HADH: variants seen among roughly 807,000 people sequenced by gnomAD.
The protein encoded by HADH is hydroxyacyl-CoA dehydrogenase.
HADH carries 24 observed loss-of-function variants against 32.2 expected under a neutral mutation model. The observed-to-expected ratio is 0.75, with a 90% CI of 0.54 to 1.05. The LOEUF (loss-of-function observed/expected upper bound fraction) is 1.05. Among genes scored for constraint, HADH ranks in the 50% least tolerant of loss-of-function variants. The pLI is 0.00. For synonymous variants in HADH, 139 were observed against 152.5 expected (o/e 0.91, Z 0.65); for missense variants, 350 against 397.1 (o/e 0.88, Z 1.01).
At chr4:108,007,098 T>TGTTC (rs1735316203) in intron 1 of HADH, among the ~76,000 whole-genome samples, 1 of 149,798 alleles carries the variant, frequency 6.7e-6, no homozygotes, top group Non-Finnish European at 1.5e-5. Context: ...CTTAAGTTTT[T>TGTTC]GTTTGTTTGT....
At chr4:107,997,808 G>C (rs2126219582) in intron 1 of HADH, among the ~76,000 whole-genome samples, 1 of 152,274 alleles carries the variant, frequency 6.6e-6, no homozygotes, top group South Asian at 2.1e-4. Context: ...AAAAATAACA[G>C]ATGTCTATGA....
In HADH at chr4:108,008,037, T is replaced by C. The variant is rs144480379; in HGVS notation, c.133-1722T>C. Among the ~76,000 whole-genome samples, 71 of 152,354 alleles carry C rather than the reference T, an allele frequency of 4.7e-4. No homozygotes were observed. In the East Asian group the frequency reaches 8.9e-3, roughly 19 times the overall value. ...ATCACTTGAAGTTATGCTATAGTGG[T>C]AGTTTATTGCAACACAATAAATTGT... On this transcript the variant is annotated intron_variant, in intron 1 of 7. Coordinates refer to ENST00000309522, the MANE Select transcript of HADH (RefSeq NM_005327.7).
intron 1 of HADH, 64 bp from the exon 2 acceptor site, chr4:108,009,695 G>T: frequency 1.4e-6 from 2 of 1,430,082 alleles, no homozygotes; most frequent in Non-Finnish European, 2.0e-6. Flanking sequence ...TTGGGGTGGG[G>T]TGTGTGCGCG....
At chr4:108,008,887 C>G (rs1221616900) in intron 1 of HADH, among the ~76,000 whole-genome samples, 1 of 152,118 alleles carries the variant, frequency 6.6e-6, no homozygotes, top group Non-Finnish European at 1.5e-5. Context: ...AGCCACAATA[C>G]CTATTCCATG....
chr4:108,019,792 TC>T, intron 4 of HADH, 126 bp downstream of exon 4: 1 of 1,028,366 alleles, frequency 9.7e-7, no homozygotes, highest in Non-Finnish European at 1.5e-6. Flanking sequence ...TAGAAGGTTG[TC>T]CCTGAGCCTC....
chr4:108,008,248 C>G (rs1404923087), intron 1 of HADH, among the ~76,000 whole-genome samples: 1 of 152,158 alleles, frequency 6.6e-6, no homozygotes, highest in African/African-American at 2.4e-5. Flanking sequence ...GTCCTTGTAT[C>G]AAGATAATTC....
intron 1 of HADH, among the ~76,000 whole-genome samples, chr4:108,008,861 C>A (rs1275621200): frequency 9.9e-5 from 15 of 152,100 alleles, no homozygotes; most frequent in African/African-American, 3.6e-4. Flanking sequence ...TCGAGGTGAC[C>A]CAATGATCTT....
chr4:108,010,028 C>CTTTTTTTT, intron 2 of HADH, 141 bp downstream of exon 2: 2 of 641,332 alleles, frequency 3.1e-6, no homozygotes. Flanking sequence ...TTTTCCATAA[C>CTTTTTTTT]TTTAAACCAA....
rs773267851 is a variant in HADH at position 107,989,909 on chromosome 4, C to T, written c.-24C>T. ...CGCGTCTTCCCTGCCCGGGTCTCCT[C>T]GCTGTCGCCGCCGCTGCCACACCAT... On this transcript the variant is annotated 5_prime_UTR_variant, in exon 1 of 8. Coordinates refer to ENST00000309522, the MANE Select transcript of HADH (RefSeq NM_005327.7). 1.2e-6 allele frequency: 2 copies of T among 1,608,394 alleles called. No individual in the cohort carries two copies. Among genetic ancestry groups the T allele is most frequent in the Non-Finnish European group, 1.7e-6 (2 of 1,178,382 alleles).
At chr4:108,027,580 A>G in intron 5 of HADH, 108 bp from the exon 6 acceptor site, 1 of 782,680 alleles carries the variant, frequency 1.3e-6, no homozygotes, top group South Asian at 1.4e-5. Flanking sequence ...AGCTTGATAA[A>G]TGGGGGCAAA....
At chr4:108,005,020 G>T in intron 1 of HADH, 1 of 793,006 alleles carries the variant, frequency 1.3e-6, no homozygotes, top group South Asian at 1.8e-5. Flanking sequence ...ATTTTATACT[G>T]TAACTCACCA....
At chr4:108,000,508 G>T (rs17038323) in intron 1 of HADH, among the ~76,000 whole-genome samples, 1,751 of 152,178 alleles carry the variant, frequency 0.012, 40 homozygotes, top group African/African-American at 0.038. Context: ...CTGGGGACTG[G>T]GCTGCCATTA....
chr4:108,022,451 C>A (rs1048920665), intron 4 of HADH, among the ~76,000 whole-genome samples: 4 of 152,058 alleles, frequency 2.6e-5, no homozygotes, highest in Non-Finnish European at 5.9e-5. Flanking sequence ...GCTGCTGGAG[C>A]AGGTGGCAGG....
chr4:108,008,207 C>G (rs1578250301), intron 1 of HADH, among the ~76,000 whole-genome samples: 2 of 152,328 alleles, frequency 1.3e-5, no homozygotes, highest in East Asian at 3.9e-4. Flanking sequence ...TGGAATGTTT[C>G]TGCTGATGGG....
At chr4:107,990,226 G>A (rs1734738471) in intron 1 of HADH, among the ~76,000 whole-genome samples, 162 bp downstream of exon 1, 1 of 152,194 alleles carries the variant, frequency 6.6e-6, no homozygotes, top group Non-Finnish European at 1.5e-5. Context: ...CTGGGCCTGT[G>A]AGGGCCCAAG....
chr4:107,998,889 A>G (rs1045303617), intron 1 of HADH, among the ~76,000 whole-genome samples: 1 of 152,148 alleles, frequency 6.6e-6, no homozygotes, highest in Non-Finnish European at 1.5e-5. Flanking sequence ...ATTGGTCTTC[A>G]ATATGCATTC....
intron 6 of HADH, chr4:108,032,088 TTAAG>T (rs1365137550): frequency 1.0e-5 from 4 of 400,160 alleles, no homozygotes; most frequent in African/African-American, 8.2e-5. Context: ...TTATCGATGT[TTAAG>T]TAGTTTCTCT....
chr4:108,005,021 T>C, intron 1 of HADH: 2 of 770,224 alleles, frequency 2.6e-6, no homozygotes, highest in East Asian at 5.5e-5. Flanking sequence ...TTTTATACTG[T>C]AACTCACCAT....
At chr4:108,011,825 G>A (rs1735503493) in intron 2 of HADH, among the ~76,000 whole-genome samples, 1 of 152,054 alleles carries the variant, frequency 6.6e-6, no homozygotes, top group Non-Finnish European at 1.5e-5. Context: ...TTCCATGTTT[G>A]TTTTGTTTTG....
Sources: gnomAD v4.1 joint callset for allele counts (sites outside exome capture counted in the v4.1 genomes callset) on GRCh38, gnomAD v4.1.1 for gene constraint, MANE v1.5 for transcripts, NCBI Gene and HGNC (gene_info 2026-07-23, HGNC 2026-07-21) for gene names.